MACROD2: variants seen among roughly 807,000 people sequenced by gnomAD.
MACROD2 encodes mono-ADP ribosylhydrolase 2.
A neutral mutation model predicts 70.4 loss-of-function variants in MACROD2; 36 were observed. The observed-to-expected ratio is 0.51, with a 90% CI of 0.39 to 0.68. MACROD2 has a LOEUF of 0.68. MACROD2 is among the 30% of genes least tolerant of loss of function. MACROD2 has a pLI of 0.00. For missense variants in MACROD2, 496 were observed against 538.4 expected (o/e 0.92, Z 0.78); for synonymous variants, 172 against 178.8 (o/e 0.96, Z 0.30).
intron 5 of MACROD2, among the ~76,000 whole-genome samples, chr20:15,017,888 T>G (rs1203590121): frequency 6.6e-6 from 1 of 152,198 alleles, no homozygotes; most frequent in Non-Finnish European, 1.5e-5. Context: ...ATGGGGACCC[T>G]GGACCCAGTG....
intron 3 of MACROD2, among the ~76,000 whole-genome samples, chr20:14,134,693 T>C (rs1440821899): frequency 1.3e-5 from 2 of 150,160 alleles, no homozygotes; most frequent in Non-Finnish European, 2.9e-5. Flanking sequence ...TAGTCCCAGT[T>C]ACTCAGGAGG....
chr20:15,725,135 T>C (rs1228651240), intron 8 of MACROD2, among the ~76,000 whole-genome samples: 1 of 152,152 alleles, frequency 6.6e-6, no homozygotes, highest in African/African-American at 2.4e-5. Flanking sequence ...CTTGTTGATA[T>C]CCACAGAATA....
intron 5 of MACROD2, among the ~76,000 whole-genome samples, chr20:15,044,895 A>G (rs1487498599): frequency 6.6e-6 from 1 of 152,174 alleles, no homozygotes; most frequent in Non-Finnish European, 1.5e-5. Flanking sequence ...CCATAGAAAT[A>G]TTTAATAATA....
At chr20:14,080,872 C>A (rs2053984749) in intron 2 of MACROD2, among the ~76,000 whole-genome samples, 1 of 152,160 alleles carries the variant, frequency 6.6e-6, no homozygotes, top group African/African-American at 2.4e-5. Flanking sequence ...TCCCAAAGCC[C>A]AGGAAGCTGA....
chr20:15,907,168 T>C (rs2065160029), intron 10 of MACROD2, among the ~76,000 whole-genome samples: 1 of 152,374 alleles, frequency 6.6e-6, no homozygotes, highest in Admixed American at 6.5e-5. Flanking sequence ...TTTCTTTTAG[T>C]AGAGAAGCGT....
chr20:15,233,963 T>TTTTA (rs2076982127), intron 6 of MACROD2, among the ~76,000 whole-genome samples: 1 of 76,560 alleles, frequency 1.3e-5, no homozygotes, highest in African/African-American at 6.4e-5. Flanking sequence ...TCCAAAAAAT[T>TTTTA]TATTTTTATA....
chr20:15,200,364 AC>A (rs1320220534), intron 5 of MACROD2, among the ~76,000 whole-genome samples: 1 of 151,982 alleles, frequency 6.6e-6, no homozygotes, highest in African/African-American at 2.4e-5. Flanking sequence ...GCAATGTTTG[AC>A]CCTGTCACCC....
chr20:14,464,154 C>T (rs1334571929), intron 3 of MACROD2, among the ~76,000 whole-genome samples: 1 of 151,912 alleles, frequency 6.6e-6, no homozygotes, highest in East Asian at 1.9e-4. Flanking sequence ...GCTGTGAATC[C>T]ATCTGGTCCT....
At chr20:14,886,768 T>G (rs1181701018) in intron 5 of MACROD2, among the ~76,000 whole-genome samples, 1 of 152,138 alleles carries the variant, frequency 6.6e-6, no homozygotes, top group African/African-American at 2.4e-5. Flanking sequence ...TACAACTTCT[T>G]TATATTGGTT....
chr20:16,011,383 T>C (rs1420545199), intron 15 of MACROD2, among the ~76,000 whole-genome samples: 1 of 152,138 alleles, frequency 6.6e-6, no homozygotes, highest in African/African-American at 2.4e-5. Context: ...ATCTCTGAGG[T>C]AGATGCAAAG....
chr20:15,313,227 C>G (rs2077772287), intron 6 of MACROD2, among the ~76,000 whole-genome samples: 1 of 151,950 alleles, frequency 6.6e-6, no homozygotes, highest in Non-Finnish European at 1.5e-5. Flanking sequence ...TGATATGCGG[C>G]CGTGTGCGGT....
chr20:14,659,035 G>A (rs1986104513), intron 4 of MACROD2, among the ~76,000 whole-genome samples: 1 of 152,188 alleles, frequency 6.6e-6, no homozygotes, highest in African/African-American at 2.4e-5. Flanking sequence ...TTCTGATTCG[G>A]TAGGTCTGGG....
rs1391084872 is a variant in MACROD2, at chr20:14,914,743, C to T, written c.418+229784C>T. Among the ~76,000 whole-genome samples the T allele has an allele frequency of 2.0e-5, 3 of 152,144 alleles. No homozygotes were observed. In the East Asian group the frequency reaches 5.8e-4, roughly 29 times the overall value. Reference sequence around the variant, plus strand: ...ATATATCTGAGTTTTAAAAATATAGCTTCTCTTTAGCTTTTGCTAGCATAT... The same window carrying T: ...ATATATCTGAGTTTTAAAAATATAGTTTCTCTTTAGCTTTTGCTAGCATAT... On this transcript the variant is annotated intron_variant, in intron 5 of 17. Coordinates refer to ENST00000684519, the MANE Select transcript of MACROD2 (RefSeq NM_001351661.2).
intron 4 of MACROD2, among the ~76,000 whole-genome samples, chr20:14,629,952 G>GTTCTATCT (rs201078091): frequency 0.02 from 2,540 of 129,106 alleles, 26 homozygotes; most frequent in East Asian, 0.031. Flanking sequence ...TATGTGCTAA[G>GTTCTATCT]GTCTATCTAT....
In MACROD2 at chr20:14,701,784, T is replaced by A. The variant is rs145295367; in HGVS notation, c.418+16825T>A. ...TCTAAGACAGTCTAACAAAACATGG[T>A]GATCACTTCTGTATGTCCCTGAGCT... is the stretch of plus-strand genomic sequence containing the variant. On this transcript the variant is annotated intron_variant, in intron 5 of 17. Coordinates refer to ENST00000684519, the MANE Select transcript of MACROD2 (RefSeq NM_001351661.2). Among the ~76,000 whole-genome samples, 779 of 152,282 alleles carry A rather than the reference T, an allele frequency of 5.1e-3. 10 individuals are homozygous for A. Among genetic ancestry groups the A allele is most frequent in the African/African-American group, 0.017 (724 of 41,550 alleles).
At chr20:15,443,266 T>A (rs1292175404) in intron 7 of MACROD2, among the ~76,000 whole-genome samples, 2 of 151,788 alleles carry the variant, frequency 1.3e-5, no homozygotes, top group Non-Finnish European at 1.5e-5. Flanking sequence ...GAAATGTGAG[T>A]TTAGGGCAGA....
rs186649978 is a variant in MACROD2 at position 14,327,575 on chromosome 20, A to G, written c.272-165904A>G. On this transcript the variant is annotated intron_variant, in intron 3 of 17. Transcript: ENST00000684519. ...TTCAGAACCCTAAAATGAAGTGAGT[A>G]AAAAAAGACAGAAAACAATAAGGCC... 2,258 of 1,480,548 alleles carry G rather than the reference A, an allele frequency of 1.5e-3. 7 individuals are homozygous for G. The highest frequency in any genetic ancestry group is 2.5e-3 in the African/African-American group (178 of 70,972). The allele number at this position is 1,480,548 out of a possible 1,614,324, so 91.7% of individuals were successfully genotyped here. A position where few individuals can be genotyped will look rare whatever the true frequency, so the allele number is the denominator to read the frequency against.
intron 4 of MACROD2, among the ~76,000 whole-genome samples, chr20:14,513,915 A>G (rs1055948884): frequency 3.3e-5 from 5 of 152,092 alleles, no homozygotes; most frequent in Non-Finnish European, 5.9e-5. Flanking sequence ...AAACAAAAAC[A>G]GAAACAAGAA....
intron 8 of MACROD2, among the ~76,000 whole-genome samples, chr20:15,553,607 T>G (rs892096712): frequency 6.6e-6 from 1 of 151,906 alleles, no homozygotes; most frequent in Non-Finnish European, 1.5e-5. Context: ...TTTAGTAGAG[T>G]TGGGGTTCCA....
Sources: allele counts gnomAD v4.1 joint callset (sites outside exome capture counted in the v4.1 genomes callset), GRCh38; gene constraint gnomAD v4.1.1; transcripts MANE v1.5; gene names NCBI Gene and HGNC (gene_info 2026-07-23, HGNC 2026-07-21).